FDXR: variants seen among roughly 807,000 people sequenced by gnomAD.
FDXR encodes the protein ferredoxin reductase, also known as NADPH:adrenodoxin oxidoreductase, mitochondrial.
FDXR carries 38 observed loss-of-function variants against 58.3 expected under a neutral mutation model. The ratio of observed to expected loss-of-function variants is 0.65; its 90% CI spans 0.50 to 0.85. The LOEUF (loss-of-function observed/expected upper bound fraction) is 0.85, where lower values mean the gene tolerates loss of function less well. Among genes scored for constraint, FDXR ranks in the 40% least tolerant of loss-of-function variants. The pLI, the probability that FDXR is intolerant of heterozygous loss-of-function variation, is 0.00. For missense variants in FDXR, 624 were observed against 671.0 expected (o/e 0.93, Z 0.77); for synonymous variants, 275 against 273.8 (o/e 1.00, Z -0.04).
In FDXR at chr17:74,866,816, A is replaced by C. The variant is rs751559588; in HGVS notation, c.238T>G (p.Phe80Val). 1 of 1,614,174 alleles carries C rather than the reference A, an allele frequency of 6.2e-7. No homozygotes were observed. Among genetic ancestry groups the C allele is most frequent in the Non-Finnish European group, 8.5e-7 (1 of 1,180,030 alleles). Residue 80 changes from phenylalanine (F) to valine (V), a missense_variant, in exon 3 of 12, where the codon TTT (phenylalanine) becomes GTT (valine). Transcript: ENST00000293195. ...KQPVPFGLVR[F>V]GVAPDHPEVK... Reference sequence around the variant, plus strand: ...TCGGGGTGATCAGGCGCCACACCAAAGCGCACCAGGCCAAAGGGCACAGGC... The same window carrying C: ...TCGGGGTGATCAGGCGCCACACCAACGCGCACCAGGCCAAAGGGCACAGGC...
At chr17:74,869,931 T>C (rs1278539405) in intron 2 of FDXR, 2 of 451,350 alleles carry the variant, frequency 4.4e-6, no homozygotes, top group South Asian at 3.1e-5. Context: ...ACAACCTCAC[T>C]TGGCCCTAGC....
rs1193050774 is a variant in FDXR at position 74,862,647 on chromosome 17, G to C, written c.*170C>G. 1 of 928,396 alleles carries C rather than the reference G, an allele frequency of 1.1e-6. No individual in the cohort carries two copies. Among genetic ancestry groups the C allele is most frequent in the East Asian group, 2.7e-5 (1 of 37,214 alleles). 57.5% of individuals were successfully genotyped at this position (928,396 alleles called of 1,614,324 possible). A position where few individuals can be genotyped will look rare whatever the true frequency, so the allele number is the denominator to read the frequency against. ...GTTGCTGAAAGCTAAAACCTTGCGC[G>C]CAAGGGCGACCTTCCCCAGGAGGGA... On this transcript the variant is annotated 3_prime_UTR_variant, in exon 12 of 12. Coordinates refer to ENST00000293195, the MANE Select transcript of FDXR (RefSeq NM_024417.5).
At chr17:74,867,074 A>C (rs981485057) in intron 2 of FDXR, 198 bp from the exon 3 acceptor site, 23 of 1,202,758 alleles carry the variant, frequency 1.9e-5, no homozygotes, top group Non-Finnish European at 2.6e-5. Flanking sequence ...TGGGAGGCTG[A>C]GGCAGGTGGA....
rs143694147 is a variant in FDXR at position 74,865,452 on chromosome 17, G to A, written c.609+267C>T. On this transcript the variant is annotated intron_variant, in intron 6 of 11. Coordinates refer to ENST00000293195, the MANE Select transcript of FDXR (RefSeq NM_024417.5). ...AACTTTAACTGTTAACTGGTGGGAG[G>A]TGAGTGGGGATGATCCAAGCAGGGG... Among the ~76,000 whole-genome samples, 577 of 152,188 alleles carry A rather than the reference G, an allele frequency of 3.8e-3. 5 individuals carry two copies. Among genetic ancestry groups the A allele is most frequent in the African/African-American group, 9.5e-3 (396 of 41,516 alleles).
Position 74,866,807 on chromosome 17 carries a change from C to G in FDXR, c.247G>C (p.Ala83Pro). 1 of 1,614,192 alleles carries G rather than the reference C, an allele frequency of 6.2e-7. No individual in the cohort carries two copies. The highest frequency in any genetic ancestry group is 8.5e-7 in the Non-Finnish European group (1 of 1,180,050). The change falls in exon 3 of 12, where the codon GCG (alanine) becomes CCG (proline). Residue 83 changes from alanine (A) to proline (P), a missense_variant. Coordinates refer to ENST00000293195, the MANE Select transcript of FDXR (RefSeq NM_024417.5). ...VPFGLVRFGVAPDHPEVKNVI... is the reference protein window; with the variant it reads ...VPFGLVRFGVPPDHPEVKNVI... ...ACCTTCACCTCGGGGTGATCAGGCGCCACACCAAAGCGCACCAGGCCAAAG... is the reference window on the plus strand; with the variant it reads ...ACCTTCACCTCGGGGTGATCAGGCGGCACACCAAAGCGCACCAGGCCAAAG...
rs2144639559 is a variant in FDXR at position 74,862,839 on chromosome 17, A to G, written c.1454T>C (p.Met485Thr). Residue 485 changes from methionine to threonine, a missense_variant, in exon 12 of 12, where the codon ATG (methionine) becomes ACG (threonine). By Grantham distance (81) the Met-to-Thr change is moderately conservative (BLOSUM62 -1). Coordinates refer to ENST00000293195, the MANE Select transcript of FDXR (RefSeq NM_024417.5). ...GGCTCAGTGGCCCAGGAGGCGCAGC[A>G]TCTCCTGAGGATCCACCAGCTTCTC... Reference protein sequence around the residue: ...PREKLVDPQEMLRLLGH With the variant: ...PREKLVDPQETLRLLGH 1 of 1,612,128 alleles carries G rather than the reference A, an allele frequency of 6.2e-7. No homozygotes were observed. The highest frequency in any genetic ancestry group is 8.5e-7 in the Non-Finnish European group (1 of 1,179,910).
chr17:74,866,456 G>A lies in FDXR; in HGVS notation c.383C>T (p.Ala128Val), dbSNP rs764175967. 1.2e-6 allele frequency: 2 copies of A among 1,613,140 alleles called. No homozygotes were observed. Among genetic ancestry groups the A allele is most frequent in the South Asian group, 1.1e-5 (1 of 90,994 alleles). Residue 128 changes from alanine to valine, a missense_variant, in exon 4 of 12, where the codon GCT (alanine) becomes GTT (valine). Ala to Val is a moderately conservative substitution (Grantham distance 64). Transcript: ENST00000293195. Reference protein sequence around the residue: ...TVPELQEAYHAVVLSYGAEDH... With the variant: ...TVPELQEAYHVVVLSYGAEDH... Reference sequence around the variant, plus strand: ...CCTAGCTGCACTCACCAGCACCACAGCGTGGTAGGCCTCCTGCAGCTCCGG... The same window carrying A: ...CCTAGCTGCACTCACCAGCACCACAACGTGGTAGGCCTCCTGCAGCTCCGG...
rs1022454818 is a variant in FDXR at position 74,862,645 on chromosome 17, G to A, written c.*172C>T. ...CAGTTGCTGAAAGCTAAAACCTTGC[G>A]CGCAAGGGCGACCTTCCCCAGGAGG... is the stretch of plus-strand genomic sequence containing the variant. On this transcript the variant is annotated 3_prime_UTR_variant, in exon 12 of 12. Coordinates refer to ENST00000293195, the MANE Select transcript of FDXR (RefSeq NM_024417.5). 6 of 892,836 alleles carry A rather than the reference G, an allele frequency of 6.7e-6. No individual in the cohort carries two copies. The Admixed American group carries it at 8.9e-5, about 13-fold the overall frequency. 55.3% of individuals were successfully genotyped at this position (892,836 alleles called of 1,614,324 possible).
chr17:74,866,175 G>T lies in FDXR; in HGVS notation c.463C>A (p.Arg155=), dbSNP rs752675360. The change falls in exon 5 of 12, where the codon CGG becomes AGG. Residue 155 remains arginine (R), a synonymous_variant. Transcript: ENST00000293195. ...GEELPGVCSA[R]AFVGWYNGLP... is the part of the protein sequence containing the mutation. ...CCGTTGTACCAGCCCACGAAGGCCC[G>T]GGCGGAGCACACACCTGGCAGCTCC... is the stretch of plus-strand genomic sequence containing the variant. 1.2e-6 allele frequency: 2 copies of T among 1,613,834 alleles called. No homozygotes were observed. The highest frequency in any genetic ancestry group is 2.2e-5 in the East Asian group (1 of 44,890).
In FDXR at chr17:74,864,483, T is replaced by C; in HGVS notation, c.799A>G (p.Lys267Glu). 6.2e-7 allele frequency: 1 copy of C among 1,613,658 alleles called. No homozygotes were observed. Among genetic ancestry groups the C allele is most frequent in the Non-Finnish European group, 8.5e-7 (1 of 1,179,596 alleles). ...VDFLGLQDKI[K>E]EVPRPRKRLT... ...GGGCCAGGCCAGGGCCCCTCACCCT[T>C]GATCTTGTCCTGGAGACCCAAGAAA... Residue 267 changes from lysine to glutamate, a missense_variant, in exon 8 of 12, where the codon AAG becomes GAG. Coordinates refer to ENST00000293195, the MANE Select transcript of FDXR (RefSeq NM_024417.5).
At chr17:74,868,848 C>G (rs2038281389) in intron 2 of FDXR, 1 of 1,092,564 alleles carries the variant, frequency 9.2e-7, no homozygotes, top group Admixed American at 2.8e-5. Context: ...TGATGACTTT[C>G]TACTCTCTCT....
chr17:74,868,820 A>C lies in FDXR; in HGVS notation c.178-1944T>G. 2.9e-6 allele frequency: 4 copies of C among 1,356,826 alleles called. No individual in the cohort carries two copies. In the South Asian group the frequency reaches 6.0e-5, roughly 20 times the overall value. 84.0% of individuals were successfully genotyped at this position (1,356,826 alleles called of 1,614,324 possible). A position where few individuals can be genotyped will look rare whatever the true frequency, so the allele number is the denominator to read the frequency against. On this transcript the variant is annotated intron_variant, in intron 2 of 11. Transcript: ENST00000293195. ...TTAACCCACTCCCTCCTGCGACCCCAAATTCCCCTGAACTTGCTGATGACT... is the reference window on the plus strand; with the variant it reads ...TTAACCCACTCCCTCCTGCGACCCCCAATTCCCCTGAACTTGCTGATGACT...
In FDXR at chr17:74,866,879, G is replaced by T. The variant is rs754278828; in HGVS notation, c.178-3C>A. 1.2e-6 allele frequency: 2 copies of T among 1,613,300 alleles called. No individual in the cohort carries two copies. Among genetic ancestry groups the T allele is most frequent in the African/African-American group, 1.3e-5 (1 of 74,914 alleles). On this transcript the variant is annotated splice_region_variant and splice_polypyrimidine_tract_variant and intron_variant, in intron 2 of 11. Transcript: ENST00000293195. ...ATGTCCACGTGGGCCTGGGGGTGCT[G>T]CTGGGGAACAGGGTGGCAGCTGGTG...
At chr17:74,868,245 T>C (rs1243451275) in intron 2 of FDXR, 1 of 548,444 alleles carries the variant, frequency 1.8e-6, no homozygotes. Flanking sequence ...GCTCTGGGCT[T>C]GGAGTCAAAC....
chr17:74,871,838 C>T (rs565225523), intron 2 of FDXR, among the ~76,000 whole-genome samples, 198 bp downstream of exon 2: 3 of 152,288 alleles, frequency 2.0e-5, no homozygotes, highest in Non-Finnish European at 4.4e-5. Context: ...GCGTTTTACA[C>T]CCCTGTCACA....
In FDXR at chr17:74,865,734, T is replaced by G; in HGVS notation, c.594A>C (p.Pro198=). ...ALDVARILLT[P]PEHLERTDIT... ...TACCACTCACCTCCAGGTGCTCAGGTGGGGTCAGTAGGATGCGGGCCACGT... is the reference window on the plus strand; with the variant it reads ...TACCACTCACCTCCAGGTGCTCAGGGGGGGTCAGTAGGATGCGGGCCACGT... The change falls in exon 6 of 12, where the codon CCA becomes CCC. Residue 198 remains proline, a synonymous_variant. Coordinates refer to ENST00000293195, the MANE Select transcript of FDXR (RefSeq NM_024417.5). 2.5e-6 allele frequency: 4 copies of G among 1,611,504 alleles called. No homozygotes were observed. The highest frequency in any genetic ancestry group is 3.4e-6 in the Non-Finnish European group (4 of 1,179,442).
At position 74,864,824 on chromosome 17, in the gene FDXR, C is replaced by G; in HGVS notation, c.717G>C (p.Lys239Asn). ...RGPLQVAFTIKELREMIQLPG... is the reference protein window; with the variant it reads ...RGPLQVAFTINELREMIQLPG... Reference sequence around the variant, plus strand: ...GCTCCTCCCACTCTGGCCCCAGCACCTTAATGGTGAAGGCCACTTGCAGGG... The same window carrying G: ...GCTCCTCCCACTCTGGCCCCAGCACGTTAATGGTGAAGGCCACTTGCAGGG... Residue 239 changes from lysine to asparagine, a missense_variant and splice_region_variant, in exon 7 of 12, where the codon AAG becomes AAC. Lys to Asn is a moderately conservative substitution (Grantham distance 94, BLOSUM62 0). Transcript: ENST00000293195. The G allele has an allele frequency of 6.2e-7, 1 of 1,614,014 alleles. No individual in the cohort carries two copies. Among genetic ancestry groups the G allele is most frequent in the Non-Finnish European group, 8.5e-7 (1 of 1,179,964 alleles).
At chr17:74,869,809 G>C (rs945630875) in intron 2 of FDXR, 2 of 375,266 alleles carry the variant, frequency 5.3e-6, no homozygotes, top group Admixed American at 5.0e-5. Flanking sequence ...CCTGCGCCCA[G>C]AACATGTTAC....
chr17:74,872,852 C>CAGGG lies in FDXR; in HGVS notation c.79+13_79+14insCCCT. On this transcript the variant is annotated intron_variant, in intron 1 of 11. Coordinates refer to ENST00000293195, the MANE Select transcript of FDXR (RefSeq NM_024417.5). Reference sequence around the variant, plus strand: ...CCGCGCTCCCATCCAGCCCCAAAGGCGCCCTGCTCCTACTCGGGGTGCTCC... The same window carrying CAGGG: ...CCGCGCTCCCATCCAGCCCCAAAGGCAGGGGCCCTGCTCCTACTCGGGGTGCTCC... The CAGGG allele has an allele frequency of 6.5e-7, 1 of 1,545,932 alleles. No individual in the cohort carries two copies. Among genetic ancestry groups the CAGGG allele is most frequent in the Non-Finnish European group, 8.7e-7 (1 of 1,146,638 alleles).
Sources: gnomAD v4.1 joint callset for allele counts (sites outside exome capture counted in the v4.1 genomes callset) on GRCh38, gnomAD v4.1.1 for gene constraint, MANE v1.5 for transcripts, NCBI Gene and HGNC (gene_info 2026-07-23, HGNC 2026-07-21) for gene names.